Variants in SYT17 observed in about 807,000 individuals in gnomAD.
SYT17 encodes synaptotagmin 17.
Under a neutral mutation model 46.7 loss-of-function variants are expected in SYT17, and 22 were observed. The ratio of observed to expected loss-of-function variants is 0.47; its 90% confidence interval spans 0.34 to 0.67. The LOEUF is 0.67. Among genes scored for constraint, SYT17 ranks in the 30% least tolerant of loss-of-function variants. The pLI is 0.01. For missense variants in SYT17, 519 were observed against 612.8 expected, an observed-to-expected ratio of 0.85 and a Z score of 1.62; for synonymous variants, 251 against 248.4, an observed-to-expected ratio of 1.01 and a Z score of -0.10.
chr16:19,184,233 T>C lies in SYT17; in HGVS notation c.951+86T>C, dbSNP rs1964686483. On this transcript the variant is annotated intron_variant, in intron 5 of 7. Coordinates refer to ENST00000355377, the MANE Select transcript of SYT17 (RefSeq NM_016524.4). Reference sequence around the variant, plus strand: ...TTTTATTTTACTGTTTAAAAGGCTTTTTTGGATTTTTAAAACTTTTTATTT... The same window carrying C: ...TTTTATTTTACTGTTTAAAAGGCTTCTTTGGATTTTTAAAACTTTTTATTT... The C allele has an allele frequency of 4.1e-6, 6 of 1,477,038 alleles. No individual in the cohort carries two copies. The South Asian group carries it at 8.5e-5, about 21-fold the overall frequency. 91.5% of individuals were successfully genotyped at this position (1,477,038 alleles called of 1,614,324 possible).
At position 19,200,852 on chromosome 16, in the gene SYT17, C is replaced by T. The variant is rs181044464; in HGVS notation, c.951+16705C>T. ...GTTTAGTTTCAAAAGAGCTTCTGTC[C>T]CTGCTGGTGACCCTGTGACCTTCCT... On this transcript the variant is annotated intron_variant, in intron 5 of 7. Transcript: ENST00000355377. Among the ~76,000 whole-genome samples the T allele has an allele frequency of 1.1e-4, 16 of 152,286 alleles. No homozygotes were observed. In the South Asian group the frequency reaches 2.3e-3, roughly 22 times the overall value.
At chr16:19,263,034 A>G (rs1038765341) in intron 7 of SYT17, among the ~76,000 whole-genome samples, 2 of 109,752 alleles carry the variant, frequency 1.8e-5, no homozygotes, top group African/African-American at 6.8e-5. Context: ...GGAGTCAGAT[A>G]ATCTTTTTTT....
At chr16:19,223,350 A>G (rs150720198) in intron 6 of SYT17, among the ~76,000 whole-genome samples, 185 bp downstream of exon 6, 2 of 152,296 alleles carry the variant, frequency 1.3e-5, no homozygotes, top group East Asian at 1.9e-4. Flanking sequence ...TGTGATAACT[A>G]CTGGAAACTT....
intron 5 of SYT17, among the ~76,000 whole-genome samples, chr16:19,192,356 G>A (rs1044052603): frequency 6.6e-6 from 1 of 152,108 alleles, no homozygotes; most frequent in African/African-American, 2.4e-5. Flanking sequence ...GGGAGACAGA[G>A]GCTGCAGTGA....
chr16:19,194,868 G>A (rs1965171484), intron 5 of SYT17, among the ~76,000 whole-genome samples: 1 of 152,246 alleles, frequency 6.6e-6, no homozygotes, highest in Non-Finnish European at 1.5e-5. Flanking sequence ...GAAGTCCTGA[G>A]ATTGCAGATG....
intron 7 of SYT17, among the ~76,000 whole-genome samples, chr16:19,235,435 C>A (rs1432469732): frequency 2.0e-5 from 3 of 152,140 alleles, no homozygotes; most frequent in African/African-American, 4.8e-5. Context: ...GTAGCCTGAA[C>A]TTTTCCATGT....
At position 19,178,479 on chromosome 16, in the gene SYT17, A is replaced by G. The variant is rs553872296; in HGVS notation, c.183-1912A>G. Reference sequence around the variant, plus strand: ...GTTAATTTTTGTACTTTTAATAGAGATGGGGTTTCGCCATGTCGGCCGGGT... The same window carrying G: ...GTTAATTTTTGTACTTTTAATAGAGGTGGGGTTTCGCCATGTCGGCCGGGT... On this transcript the variant is annotated intron_variant, in intron 3 of 7. Coordinates refer to ENST00000355377, the MANE Select transcript of SYT17 (RefSeq NM_016524.4). 3.0e-4 allele frequency among the ~76,000 whole-genome samples: 45 copies of G among 152,010 alleles called. 1 individual carries two copies. In the South Asian group the frequency reaches 8.9e-3, roughly 30 times the overall value.
intron 1 of SYT17, chr16:19,170,897 A>G (rs945197554): frequency 7.9e-5 from 12 of 152,178 alleles, no homozygotes; most frequent in African/African-American, 2.7e-4. Context: ...GGTCTTGACA[A>G]TCACCTAATT....
Position 19,191,770 on chromosome 16 carries a change from CTTTTG to C in SYT17, c.951+7643_951+7647del, listed in dbSNP as rs371039622. On this transcript the variant is annotated intron_variant, in intron 5 of 7. Coordinates refer to ENST00000355377, the MANE Select transcript of SYT17 (RefSeq NM_016524.4). ...ATCTAAGAGTGTGCACTGTACAGTT[CTTTTG>C]TTTTGTTTTGTTTTGTTTTTTTGTT... 4.6e-3 allele frequency among the ~76,000 whole-genome samples: 698 copies of C among 152,020 alleles called. 4 individuals are homozygous for C. Among genetic ancestry groups the C allele is most frequent in the Admixed American group, 8.4e-3 (128 of 15,266 alleles).
At chr16:19,202,599 A>C (rs954340714) in intron 5 of SYT17, among the ~76,000 whole-genome samples, 3 of 152,216 alleles carry the variant, frequency 2.0e-5, no homozygotes, top group Non-Finnish European at 4.4e-5. Flanking sequence ...CCCTCCCTGG[A>C]GGTCTGGGAG....
At chr16:19,216,615 G>A (rs1413651455) in intron 5 of SYT17, among the ~76,000 whole-genome samples, 5 of 151,990 alleles carry the variant, frequency 3.3e-5, no homozygotes. Flanking sequence ...TCTCACTTAT[G>A]AGTGAGAACA....
chr16:19,216,969 A>G (rs1483619543), intron 5 of SYT17, among the ~76,000 whole-genome samples: 1 of 152,166 alleles, frequency 6.6e-6, no homozygotes, highest in African/African-American at 2.4e-5. Context: ...GTCTTCCACA[A>G]TGGTTGAACT....
At chr16:19,176,689 C>G (rs553779983) in intron 3 of SYT17, among the ~76,000 whole-genome samples, 1 of 151,900 alleles carries the variant, frequency 6.6e-6, no homozygotes, top group South Asian at 2.1e-4. Flanking sequence ...GGGCAGACAT[C>G]ACCCCTTGTA....
At chr16:19,257,336 G>A (rs1051652524) in intron 7 of SYT17, among the ~76,000 whole-genome samples, 8 of 149,518 alleles carry the variant, frequency 5.4e-5, no homozygotes, top group Non-Finnish European at 4.4e-5. Flanking sequence ...ACATATACCC[G>A]CTCATTGTAT....
chr16:19,217,880 CT>C (rs1362854789), intron 5 of SYT17, among the ~76,000 whole-genome samples: 1 of 152,192 alleles, frequency 6.6e-6, no homozygotes, highest in Admixed American at 6.5e-5. Flanking sequence ...TGTGCAGCCC[CT>C]GGAATTTTGA....
At chr16:19,173,321 C>T (rs971148165) in intron 2 of SYT17, 109 bp from the exon 3 acceptor site, 5 of 702,024 alleles carry the variant, frequency 7.1e-6, no homozygotes, top group Non-Finnish European at 1.2e-5. Flanking sequence ...ATTTCTCATC[C>T]GAGATCGGCT....
rs572125414 is a variant in SYT17, at chr16:19,203,448, A to G, written c.951+19301A>G. Among the ~76,000 whole-genome samples, 26 of 152,326 alleles carry G rather than the reference A, an allele frequency of 1.7e-4. 1 individual carries two copies. The highest frequency in any genetic ancestry group is 1.2e-3 in the South Asian group (6 of 4,828). On this transcript the variant is annotated intron_variant, in intron 5 of 7. Coordinates refer to ENST00000355377, the MANE Select transcript of SYT17 (RefSeq NM_016524.4). ...CACCATCATCGAAGGGCCCTTTGAGAACTGAATGACATAATGTGATAAGAA... is the reference window on the plus strand; with the variant it reads ...CACCATCATCGAAGGGCCCTTTGAGGACTGAATGACATAATGTGATAAGAA...
intron 7 of SYT17, among the ~76,000 whole-genome samples, chr16:19,262,523 G>A (rs936200655): frequency 2.0e-5 from 3 of 152,124 alleles, no homozygotes; most frequent in African/African-American, 7.2e-5. Flanking sequence ...AGTCCTCTTT[G>A]TCATAGGAAA....
At chr16:19,235,161 C>G (rs1406723442) in intron 7 of SYT17, among the ~76,000 whole-genome samples, 2 of 152,118 alleles carry the variant, frequency 1.3e-5, no homozygotes, top group African/African-American at 2.4e-5. Flanking sequence ...CTGAGAGCTA[C>G]AGTATGGGGA....
Sources: gnomAD v4.1 joint callset for allele counts (sites outside exome capture counted in the v4.1 genomes callset) on GRCh38, gnomAD v4.1.1 for gene constraint, MANE v1.5 for transcripts, NCBI Gene and HGNC (gene_info 2026-07-23, HGNC 2026-07-21) for gene names.